The following CPXM2 variants were observed in gnomAD, a reference collection of about 807,000 sequenced individuals.
CPXM2 encodes carboxypeptidase X, M14 family member 2.
A neutral mutation model predicts 86.1 loss-of-function variants in CPXM2; 66 were observed. That is an observed-to-expected ratio of 0.77 (90% CI 0.63 to 0.94). The LOEUF is 0.94. Among genes scored for constraint, CPXM2 ranks in the 40% least tolerant of loss-of-function variants. The probability of loss-of-function intolerance (pLI) is 0.00; values close to 1 mark genes in which losing one functional copy is unlikely to be tolerated. For missense variants in CPXM2, 948 were observed against 1,026.3 expected, an observed-to-expected ratio of 0.92 and a Z score of 1.04; for synonymous variants, 388 against 400.2, an observed-to-expected ratio of 0.97 and a Z score of 0.36.
intron 3 of CPXM2, among the ~76,000 whole-genome samples, chr10:123,846,461 T>C (rs909746621): frequency 1.3e-5 from 2 of 152,274 alleles, no homozygotes; most frequent in Middle Eastern, 6.8e-3. Flanking sequence ...ATTTGAGCAA[T>C]GGGGAGTGGC....
At chr10:123,824,101 T>C (rs1275142258) in intron 4 of CPXM2, among the ~76,000 whole-genome samples, 2 of 152,220 alleles carry the variant, frequency 1.3e-5, no homozygotes, top group African/African-American at 2.4e-5. Context: ...AGAGCAGGAC[T>C]AAAAAGCAAA....
chr10:123,828,837 A>C (rs912929550), intron 4 of CPXM2, among the ~76,000 whole-genome samples: 1 of 152,266 alleles, frequency 6.6e-6, no homozygotes, highest in African/African-American at 2.4e-5. Flanking sequence ...TGACACCAAA[A>C]GCACAATTCA....
intron 9 of CPXM2, 98 bp downstream of exon 9, chr10:123,768,428 G>A (rs1217207354): frequency 1.1e-5 from 7 of 624,958 alleles, no homozygotes; most frequent in African/African-American, 1.9e-5. Context: ...AATAAAGCTC[G>A]GAAGGTGGAA....
intron 2 of CPXM2, among the ~76,000 whole-genome samples, chr10:123,919,738 A>T (rs548256046): frequency 6.6e-6 from 1 of 152,368 alleles, no homozygotes; most frequent in East Asian, 1.9e-4. Context: ...GGGACTGGGT[A>T]ATTTATAAAG....
chr10:123,759,334 C>T (rs1305931854), intron 11 of CPXM2, among the ~76,000 whole-genome samples: 5 of 152,330 alleles, frequency 3.3e-5, no homozygotes, highest in South Asian at 4.1e-4. Flanking sequence ...CCACCCTTTT[C>T]GTCCTCATTA....
At chr10:123,906,575 G>A (rs1945443317) in intron 2 of CPXM2, among the ~76,000 whole-genome samples, 1 of 152,204 alleles carries the variant, frequency 6.6e-6, no homozygotes, top group African/African-American at 2.4e-5. Flanking sequence ...AAATCCAGAA[G>A]CTGCAACACT....
chr10:123,773,447 T>C (rs780021463), intron 7 of CPXM2, among the ~76,000 whole-genome samples: 26 of 152,224 alleles, frequency 1.7e-4, no homozygotes, highest in Admixed American at 7.2e-4. Context: ...GGTGATTACT[T>C]TTCTCACTGT....
At chr10:123,868,847 C>T (rs1236744579) in intron 2 of CPXM2, among the ~76,000 whole-genome samples, 6 of 152,098 alleles carry the variant, frequency 3.9e-5, no homozygotes, top group Non-Finnish European at 8.8e-5. Context: ...GCCCAGAGGA[C>T]TCTGCCAGCC....
At position 123,768,664 on chromosome 10, in the gene CPXM2, C is replaced by T. The variant is rs2134003356; in HGVS notation, c.1161G>A (p.Glu387=). Residue 387 remains glutamate (E), a synonymous_variant, in exon 9 of 14, where the codon GAG becomes GAA. Coordinates refer to ENST00000241305, the MANE Select transcript of CPXM2 (RefSeq NM_198148.3). ...GAHGNEVLGR[E]LLLLLVQFVC... Reference sequence around the variant, plus strand: ...CGAACTGCACCAGCAGCAGCAGCAGCTCCCGGCCCAGCACCTCATTGCCGT... The same window carrying T: ...CGAACTGCACCAGCAGCAGCAGCAGTTCCCGGCCCAGCACCTCATTGCCGT... 1 of 1,613,236 alleles carries T rather than the reference C, an allele frequency of 6.2e-7. No individual in the cohort carries two copies. Among genetic ancestry groups the T allele is most frequent in the African/African-American group, 1.3e-5 (1 of 75,058 alleles).
rs112974796 is a variant in CPXM2, at chr10:123,891,152, A to T, written c.304+204T>A. ...AGGGCATAAGCCAGAGCTGAAATGC[A>T]TGTCAGGGTCAAGGACAAGTTCTGG... is the stretch of plus-strand genomic sequence containing the variant. On this transcript the variant is annotated intron_variant, in intron 1 of 13. Transcript: ENST00000241305. The surrounding 1 kb of genome is among the most constrained non-coding windows in gnomAD (Gnocchi z 5.6). 6.6e-6 allele frequency among the ~76,000 whole-genome samples: 1 copy of T among 152,338 alleles called. No individual in the cohort carries two copies. The highest frequency in any genetic ancestry group is 2.4e-5 in the African/African-American group (1 of 41,600).
intron 7 of CPXM2, among the ~76,000 whole-genome samples, chr10:123,778,239 G>A (rs1427484567): frequency 2.6e-5 from 4 of 152,148 alleles, no homozygotes; most frequent in Non-Finnish European, 5.9e-5. Flanking sequence ...TCTTTCAATA[G>A]TAGGAAAAAT....
intron 2 of CPXM2, among the ~76,000 whole-genome samples, chr10:123,901,641 C>T (rs28660436): frequency 7.2e-5 from 11 of 152,106 alleles, no homozygotes; most frequent in Non-Finnish European, 1.5e-4. Context: ...AGATGGATCA[C>T]CACTGGCTAA....
At chr10:123,937,567 T>C (rs1945735331) in intron 2 of CPXM2, among the ~76,000 whole-genome samples, 1 of 152,016 alleles carries the variant, frequency 6.6e-6, no homozygotes, top group Non-Finnish European at 1.5e-5. Flanking sequence ...TGGAATTTTA[T>C]CTCTTTGTTC....
Position 123,871,437 on chromosome 10 carries a change from C to T in CPXM2, c.404-8714G>A, listed in dbSNP as rs780813360. Among the ~76,000 whole-genome samples, 128 of 152,186 alleles carry T rather than the reference C, an allele frequency of 8.4e-4. 3 individuals are homozygous for T. Among genetic ancestry groups the T allele is most frequent in the Non-Finnish European group, 2.9e-4 (20 of 67,998 alleles). On this transcript the variant is annotated intron_variant, in intron 2 of 13. Transcript: ENST00000241305. ...CATTCTTTATACGTTGCTTATAAGG[C>T]TCAAAAAAAAGGAATTATTGGTTCA...
intron 2 of CPXM2, among the ~76,000 whole-genome samples, chr10:123,906,937 G>C (rs1693356108): frequency 6.6e-6 from 1 of 152,122 alleles, no homozygotes; most frequent in East Asian, 1.9e-4. Flanking sequence ...GTCTTCTTCA[G>C]GTGAAATTTC....
intron 4 of CPXM2, among the ~76,000 whole-genome samples, chr10:123,828,124 T>C (rs568594614): frequency 2.6e-5 from 4 of 152,164 alleles, no homozygotes; most frequent in Admixed American, 6.5e-5. Context: ...TGAGTCATGA[T>C]TGTGCCACTG....
At chr10:123,838,222 G>C (rs1315802667) in intron 4 of CPXM2, among the ~76,000 whole-genome samples, 1 of 152,232 alleles carries the variant, frequency 6.6e-6, no homozygotes, top group African/African-American at 2.4e-5. Flanking sequence ...AGCACTTTGG[G>C]AGGCCGAGGC....
At chr10:123,804,495 C>T (rs187825866) in intron 4 of CPXM2, among the ~76,000 whole-genome samples, 2 of 152,070 alleles carry the variant, frequency 1.3e-5, no homozygotes, top group East Asian at 3.9e-4. Flanking sequence ...AATTTTACTT[C>T]CTCCTTATTT....
intron 13 of CPXM2, among the ~76,000 whole-genome samples, chr10:123,748,905 T>C (rs1041094597): frequency 3.3e-5 from 5 of 151,688 alleles, no homozygotes; most frequent in African/African-American, 1.2e-4. Flanking sequence ...TCCTTGAGAG[T>C]GGAAATGGCC....
Sources: allele counts gnomAD v4.1 joint callset (sites outside exome capture counted in the v4.1 genomes callset), GRCh38; gene constraint gnomAD v4.1.1; non-coding constraint Gnocchi (gnomAD v3.1); transcripts MANE v1.5; gene names NCBI Gene and HGNC (gene_info 2026-07-23, HGNC 2026-07-21).